Variants in ARHGAP32 observed in about 807,000 individuals in gnomAD.
ARHGAP32 encodes rho GTPase-activating protein 32.
Under a neutral mutation model 186.5 loss-of-function variants are expected in ARHGAP32, and 51 were observed. The observed-to-expected ratio is 0.27, with a 90% CI of 0.22 to 0.35. The LOEUF is 0.35. Ranked by LOEUF, ARHGAP32 falls within the 10% of genes least tolerant of loss-of-function variation. The pLI is 1.00. For synonymous variants in ARHGAP32, 950 were observed against 964.3 expected (o/e 0.99, Z 0.27); for missense variants, 2,186 against 2,623.5 (o/e 0.83, Z 3.64).
chr11:129,175,154 T>C, intron 1 of ARHGAP32, among the ~76,000 whole-genome samples: 1 of 106,716 alleles, frequency 9.4e-6, no homozygotes, highest in African/African-American at 3.9e-5. Context: ...TGCAGAAGCC[T>C]CAGGAGCTGA....
intron 2 of ARHGAP32, among the ~76,000 whole-genome samples, chr11:129,148,929 G>A (rs943219923): frequency 6.6e-6 from 1 of 152,080 alleles, no homozygotes; most frequent in Non-Finnish European, 1.5e-5. Context: ...ATCCCCTACA[G>A]TGGCCACAGC....
chr11:129,157,776 T>C (rs1347271812), intron 2 of ARHGAP32, among the ~76,000 whole-genome samples: 1 of 151,934 alleles, frequency 6.6e-6, no homozygotes, highest in Non-Finnish European at 1.5e-5. Flanking sequence ...GACACATAAT[T>C]GTCAGATACA....
At chr11:129,167,966 T>C (rs1435544032) in intron 1 of ARHGAP32, among the ~76,000 whole-genome samples, 1 of 152,120 alleles carries the variant, frequency 6.6e-6, no homozygotes, top group African/African-American at 2.4e-5. Context: ...CAACAACTGC[T>C]GGGTGCAGTG....
intron 11 of ARHGAP32, among the ~76,000 whole-genome samples, chr11:129,024,477 T>C (rs1428161461): frequency 6.6e-6 from 1 of 152,204 alleles, no homozygotes; most frequent in African/African-American, 2.4e-5. Flanking sequence ...AGTAAAAGGC[T>C]GAATCACTAA....
intron 5 of ARHGAP32, among the ~76,000 whole-genome samples, chr11:129,094,720 C>T (rs1941681376): frequency 6.6e-6 from 1 of 152,120 alleles, no homozygotes; most frequent in Non-Finnish European, 1.5e-5. Flanking sequence ...TCTTATACCC[C>T]ACTTGCTTTA....
chr11:128,969,249 A>T lies in ARHGAP32; in HGVS notation c.5964T>A (p.Thr1988=). The part of the protein sequence containing the change: ...RDCYKEEEHL[T]QSIVPPPKPE... ...GTTTAGGGGGTGGGACGATTGACTG[A>T]GTGAGGTGTTCTTCCTCCTTGTAGC... The change falls in exon 23 of 23, where the codon ACT becomes ACA. Residue 1988 remains threonine (T), a synonymous_variant. Transcript: ENST00000682385. The surrounding 1 kb of genome is among the most constrained non-coding windows in gnomAD (Gnocchi z 4.8). 1 of 1,614,054 alleles carries T rather than the reference A, an allele frequency of 6.2e-7. No homozygotes were observed. Among genetic ancestry groups the T allele is most frequent in the Non-Finnish European group, 8.5e-7 (1 of 1,179,974 alleles).
chr11:129,018,083 CAGA>C (rs571594910), intron 11 of ARHGAP32, among the ~76,000 whole-genome samples: 90 of 152,044 alleles, frequency 5.9e-4, no homozygotes, highest in African/African-American at 2.1e-3. Context: ...GATACAAGTG[CAGA>C]ACGTGCAGAA....
intron 2 of ARHGAP32, among the ~76,000 whole-genome samples, 171 bp downstream of exon 2, chr11:129,164,148 C>T (rs992097762): frequency 1.3e-5 from 2 of 152,134 alleles, no homozygotes; most frequent in African/African-American, 2.4e-5. Context: ...ACTCTGCCCA[C>T]AGACTCTACG....
upstream of ARHGAP32, among the ~76,000 whole-genome samples, chr11:129,194,961 T>C (rs1307712568): frequency 1.5e-5 from 2 of 133,754 alleles, no homozygotes; most frequent in Admixed American, 7.8e-5. Context: ...GGGGGGGGGT[T>C]GTTTTGTTTT....
chr11:129,134,288 C>T (rs1211416777), intron 2 of ARHGAP32, among the ~76,000 whole-genome samples: 1 of 151,818 alleles, frequency 6.6e-6, no homozygotes, highest in Non-Finnish European at 1.5e-5. Context: ...GTCTATAGTA[C>T]TTAATGATGA....
At chr11:129,148,736 G>A (rs1033815470) in intron 2 of ARHGAP32, among the ~76,000 whole-genome samples, 1 of 152,212 alleles carries the variant, frequency 6.6e-6, no homozygotes, top group African/African-American at 2.4e-5. Flanking sequence ...AAAGCTCACA[G>A]CCTGGGGCAA....
Position 128,968,989 on chromosome 11 carries a change from T to G in ARHGAP32, c.6224A>C (p.Tyr2075Ser). ...PGFPHPQSRT[Y>S]ATALGQGAFL... ...GGCCCCTTGACCCAACGCTGTAGCA[T>G]AGGTCCTGCTCTGTGGATGGGGAAA... is the stretch of plus-strand genomic sequence containing the variant. Residue 2075 changes from tyrosine (Y) to serine (S), a missense_variant, in exon 23 of 23, where the codon TAT (tyrosine) becomes TCT (serine). By Grantham distance (144) the Tyr-to-Ser change is moderately radical. Around this residue, in one of 5 missense-constraint regions of ARHGAP32, gnomAD observed 1,502 missense variants for 1,570.0 expected, o/e 0.96. Transcript: ENST00000682385. The G allele has an allele frequency of 6.2e-7, 1 of 1,604,172 alleles. No homozygotes were observed. Among genetic ancestry groups the G allele is most frequent in the Non-Finnish European group, 8.5e-7 (1 of 1,173,104 alleles).
intron 1 of ARHGAP32, among the ~76,000 whole-genome samples, chr11:129,178,835 A>C (rs1654640089): frequency 6.6e-6 from 1 of 151,336 alleles, no homozygotes; most frequent in Admixed American, 6.6e-5. Context: ...AAAACCATAA[A>C]AACCCTAGAA....
At chr11:129,047,309 C>T (rs1591563868) in intron 10 of ARHGAP32, among the ~76,000 whole-genome samples, 1 of 152,056 alleles carries the variant, frequency 6.6e-6, no homozygotes, top group Non-Finnish European at 1.5e-5. Context: ...AGTGTTAAAA[C>T]TCCAGTTTTT....
chr11:128,987,598 T>G (rs1355645000), intron 13 of ARHGAP32, among the ~76,000 whole-genome samples: 1 of 152,276 alleles, frequency 6.6e-6, no homozygotes, highest in East Asian at 1.9e-4. Flanking sequence ...AGAGAAGATT[T>G]GGGGAGGATG....
intron 5 of ARHGAP32, among the ~76,000 whole-genome samples, chr11:129,096,526 C>G (rs902325031): frequency 8.6e-5 from 13 of 151,986 alleles, no homozygotes; most frequent in African/African-American, 3.1e-4. Context: ...TATACCCCCC[C>G]GGCCCCGCCC....
chr11:129,216,251 T>C (rs1944643544), intron 1 of ARHGAP32, among the ~76,000 whole-genome samples: 1 of 152,142 alleles, frequency 6.6e-6, no homozygotes, highest in Admixed American at 6.6e-5. Flanking sequence ...GATGCGGACA[T>C]ATTTGACAGG....
chr11:129,223,147 C>T lies in ARHGAP32; in HGVS notation c.-5+55999G>A, dbSNP rs190651091. On this transcript the variant is annotated intron_variant, in intron 1 of 6. Transcript: ENST00000525234. ...TTTCTTCATACTAAGTCTTTGAACA[C>T]AGCTTGAATTTTCCACTTACAGTAC... Among the ~76,000 whole-genome samples, 10 of 152,226 alleles carry T rather than the reference C, an allele frequency of 6.6e-5. No homozygotes were observed. In the East Asian group the frequency reaches 1.7e-3, roughly 26 times the overall value.
Position 128,970,053 on chromosome 11 carries a change from AC to A in ARHGAP32, c.5159del (p.Gly1720ValfsTer10). On this transcript the variant is annotated frameshift_variant, in exon 23 of 23. Transcript: ENST00000682385. LOFTEE classifies it high-confidence loss of function. The surrounding 1 kb of genome is among the most constrained non-coding windows in gnomAD (Gnocchi z 5.8). ...LQGKSLYSYAGLAPRPRANVT... is the reference protein window; with the variant it reads ...LQGKSLYSYAXLAPRPRANVT... ...CGTTGGCCCGGGGACGTGGAGCCAA[AC>A]CAGCATAACTGTACAAGCTCTTTCC... 1 of 1,614,200 alleles carries A rather than the reference AC, an allele frequency of 6.2e-7. No homozygotes were observed. Among genetic ancestry groups the A allele is most frequent in the Non-Finnish European group, 8.5e-7 (1 of 1,180,050 alleles).
Sources: gnomAD v4.1 joint callset for allele counts (sites outside exome capture counted in the v4.1 genomes callset) on GRCh38, gnomAD v4.1.1 for gene constraint, gnomAD v4.1.1 regional missense constraint, Gnocchi (gnomAD v3.1) non-coding constraint, MANE v1.5 for transcripts, NCBI Gene and HGNC (gene_info 2026-07-23, HGNC 2026-07-21) for gene names.